Variants in CHRDL2 observed in about 807,000 individuals in gnomAD.
The protein encoded by CHRDL2 is chordin like 2, also known as chordin-like protein 2.
Under a neutral mutation model 54.3 loss-of-function variants are expected in CHRDL2, and 41 were observed. That is an observed-to-expected ratio of 0.76 (90% CI 0.59 to 0.98). The LOEUF (loss-of-function observed/expected upper bound fraction) is 0.98, where lower values mean the gene tolerates loss of function less well. Ranked by LOEUF, CHRDL2 falls within the 50% of genes least tolerant of loss-of-function variation. The pLI is 0.00. For synonymous variants in CHRDL2, 220 were observed against 224.3 expected (o/e 0.98, Z 0.17); for missense variants, 518 against 562.4 (o/e 0.92, Z 0.80).
intron 3 of CHRDL2, among the ~76,000 whole-genome samples, chr11:74,711,800 AT>A (rs141934331): frequency 6.6e-6 from 1 of 150,488 alleles, no homozygotes; most frequent in Non-Finnish European, 1.5e-5. Context: ...CATTTTTTAA[AT>A]TTTTTTTCCT....
At chr11:74,714,777 A>T (rs927372703) in intron 2 of CHRDL2, among the ~76,000 whole-genome samples, 1 of 152,204 alleles carries the variant, frequency 6.6e-6, no homozygotes. Context: ...TGGCCTGAAG[A>T]GTTAGAATCG....
intron 2 of CHRDL2, among the ~76,000 whole-genome samples, chr11:74,717,113 A>AAACAAAC (rs751215022): frequency 5.9e-4 from 88 of 149,686 alleles, no homozygotes; most frequent in East Asian, 2.4e-3. Context: ...AACAAACAAA[A>AAACAAAC]AAAAAAAACC....
chr11:74,717,647 C>T (rs1450328493), intron 2 of CHRDL2, among the ~76,000 whole-genome samples: 2 of 152,086 alleles, frequency 1.3e-5, no homozygotes, highest in African/African-American at 4.8e-5. Context: ...CCACCCTCTC[C>T]GCCACCCCAC....
chr11:74,705,034 G>A (rs1433925142), intron 6 of CHRDL2, among the ~76,000 whole-genome samples: 2 of 152,140 alleles, frequency 1.3e-5, no homozygotes, highest in Non-Finnish European at 2.9e-5. Flanking sequence ...GAGGATGCAC[G>A]GCAGGCAGTT....
intron 1 of CHRDL2, among the ~76,000 whole-genome samples, chr11:74,721,352 C>A (rs898933753): frequency 1.3e-5 from 2 of 152,224 alleles, no homozygotes; most frequent in Non-Finnish European, 2.9e-5. Context: ...GGTCTCTGTG[C>A]CAGTTGGCAC....
chr11:74,699,902 G>C (rs186123841), intron 9 of CHRDL2, among the ~76,000 whole-genome samples: 20 of 152,356 alleles, frequency 1.3e-4, no homozygotes, highest in African/African-American at 4.8e-4. Flanking sequence ...TGAGGAGATG[G>C]GGTGCGGTTT....
intron 2 of CHRDL2, among the ~76,000 whole-genome samples, chr11:74,715,212 G>A (rs540711071): frequency 6.6e-6 from 1 of 152,288 alleles, no homozygotes; most frequent in East Asian, 1.9e-4. Flanking sequence ...GGTCTACTGG[G>A]TGCCAGGCCT....
chr11:74,728,189 G>A (rs1450652402), intron 1 of CHRDL2, among the ~76,000 whole-genome samples: 2 of 152,188 alleles, frequency 1.3e-5, no homozygotes, highest in Non-Finnish European at 2.9e-5. Context: ...ACTGTTACCT[G>A]TGTTCACAGG....
chr11:74,714,587 C>T (rs779351682), intron 2 of CHRDL2, among the ~76,000 whole-genome samples: 1 of 152,166 alleles, frequency 6.6e-6, no homozygotes, highest in Non-Finnish European at 1.5e-5. Context: ...CAGAGGTAAT[C>T]GCGAGAACTA....
At position 74,710,851 on chromosome 11, in the gene CHRDL2, T is replaced by G. The variant is rs1305955308; in HGVS notation, c.430A>C (p.Thr144Pro). The G allele has an allele frequency of 6.2e-7, 1 of 1,613,998 alleles. No individual in the cohort carries two copies. Among genetic ancestry groups the G allele is most frequent in the Non-Finnish European group, 8.5e-7 (1 of 1,179,966 alleles). Residue 144 changes from threonine to proline, a missense_variant and splice_region_variant, in exon 4 of 11, where the codon ACA becomes CCA. Transcript: ENST00000376332. ...GAAGGGAAGGCAGGAGTTCTTACTG[T>G]GCAGCTGCAGAGGACACACTGGTTG... ...LPNQCVLCSC[T>P]EGQIYCGLTT... is the part of the protein sequence containing the mutation.
In CHRDL2 at chr11:74,718,571, G is replaced by A. The variant is rs1591366980; in HGVS notation, c.195+149C>T. On this transcript the variant is annotated intron_variant, in intron 2 of 10. Transcript: ENST00000376332. ...GTAGCCATCTAATCCTATATATTGAGTAGTCAGTAGTGAAGTGGCTTGTCC... is the reference window on the plus strand; with the variant it reads ...GTAGCCATCTAATCCTATATATTGAATAGTCAGTAGTGAAGTGGCTTGTCC... 2.2e-5 allele frequency: 13 copies of A among 604,096 alleles called. No homozygotes were observed. The East Asian group carries it at 2.3e-4, about 11-fold the overall frequency. 37.4% of individuals were successfully genotyped at this position (604,096 alleles called of 1,614,324 possible).
chr11:74,699,494 A>C (rs895592817), intron 9 of CHRDL2: 2 of 152,298 alleles, frequency 1.3e-5, no homozygotes, highest in Non-Finnish European at 2.9e-5. Context: ...AGCAATTCAC[A>C]GTGTTGGAAG....
chr11:74,701,638 T>C (rs2033815722), intron 9 of CHRDL2: 4 of 716,574 alleles, frequency 5.6e-6, no homozygotes, highest in Non-Finnish European at 1.0e-5. Context: ...TGAGCCTCAG[T>C]TTCCTCATCT....
intron 4 of CHRDL2, among the ~76,000 whole-genome samples, chr11:74,709,109 T>C (rs1355394771): frequency 6.6e-6 from 1 of 152,206 alleles, no homozygotes; most frequent in African/African-American, 2.4e-5. Context: ...AAGTGAGTGT[T>C]CCGGTCCCTC....
At chr11:74,716,195 C>T (rs913731015) in intron 2 of CHRDL2, among the ~76,000 whole-genome samples, 2 of 151,798 alleles carry the variant, frequency 1.3e-5, no homozygotes, top group African/African-American at 2.4e-5. Flanking sequence ...TTGGAAAAAC[C>T]GACAGAGGTC....
intron 9 of CHRDL2, among the ~76,000 whole-genome samples, 186 bp downstream of exon 9, chr11:74,702,608 T>C (rs1322049091): frequency 2.0e-5 from 3 of 152,214 alleles, no homozygotes; most frequent in African/African-American, 7.2e-5. Flanking sequence ...GAGGAGCTTA[T>C]CAGAATTGTA....
chr11:74,719,617 C>G (rs2034458062), intron 1 of CHRDL2, among the ~76,000 whole-genome samples: 1 of 152,212 alleles, frequency 6.6e-6, no homozygotes, highest in African/African-American at 2.4e-5. Flanking sequence ...TGTTAGGAAA[C>G]TGACTTTCAA....
chr11:74,704,588 T>C lies in CHRDL2; in HGVS notation c.649A>G (p.Thr217Ala). ...RKRGPGTPAP[T>A]GLSAPLSFIP... Reference sequence around the variant, plus strand: ...AAGCTCAGAGGGGCGCTGAGGCCAGTGGGGGCTGGGGTGCCCGGGCCTCTC... The same window carrying C: ...AAGCTCAGAGGGGCGCTGAGGCCAGCGGGGGCTGGGGTGCCCGGGCCTCTC... The change falls in exon 7 of 11, where the codon ACT becomes GCT. Residue 217 changes from threonine to alanine, a missense_variant. Physicochemically the swap from Thr to Ala is moderately conservative, Grantham distance 58. Transcript: ENST00000376332. The C allele has an allele frequency of 6.3e-7, 1 of 1,594,842 alleles. No homozygotes were observed. Among genetic ancestry groups the C allele is most frequent in the Non-Finnish European group, 8.5e-7 (1 of 1,171,666 alleles).
intron 1 of CHRDL2, among the ~76,000 whole-genome samples, chr11:74,720,024 C>G (rs955500306): frequency 3.3e-5 from 5 of 152,180 alleles, no homozygotes; most frequent in African/African-American, 1.2e-4. Context: ...TCAGGAGGAA[C>G]TGGGAGGCTC....
Sources: allele counts gnomAD v4.1 joint callset (sites outside exome capture counted in the v4.1 genomes callset), GRCh38; gene constraint gnomAD v4.1.1; transcripts MANE v1.5; gene names NCBI Gene and HGNC (gene_info 2026-07-23, HGNC 2026-07-21).